The following SFXN1 variants were observed in gnomAD, a reference collection of about 807,000 sequenced individuals.
The protein encoded by SFXN1 is sideroflexin-1.
A neutral mutation model predicts 39.5 loss-of-function variants in SFXN1; 32 were observed. The observed-to-expected ratio is 0.81, with a 90% CI of 0.61 to 1.09. The LOEUF (loss-of-function observed/expected upper bound fraction) is 1.09. SFXN1 is among the 50% of genes least tolerant of loss of function. The probability of loss-of-function intolerance (pLI) is 0.00; values close to 1 mark genes in which losing one functional copy is unlikely to be tolerated. For missense variants in SFXN1, 402 were observed against 407.1 expected (o/e 0.99, Z 0.11); for synonymous variants, 136 against 146.5 (o/e 0.93, Z 0.52).
intron 2 of SFXN1, among the ~76,000 whole-genome samples, chr5:175,502,948 T>C (rs1581291235): frequency 6.6e-6 from 1 of 152,218 alleles, no homozygotes; most frequent in Non-Finnish European, 1.5e-5. Flanking sequence ...AAAAGTGTTA[T>C]GCAAAGTCAA....
At chr5:175,519,894 C>T (rs1235073371) in intron 8 of SFXN1, among the ~76,000 whole-genome samples, 3 of 132,022 alleles carry the variant, frequency 2.3e-5, no homozygotes, top group African/African-American at 8.9e-5. Flanking sequence ...TTTTTGAGAC[C>T]GAGTCTTGCT....
At chr5:175,482,894 G>T (rs545817274) in intron 1 of SFXN1, among the ~76,000 whole-genome samples, 13 of 152,136 alleles carry the variant, frequency 8.5e-5, no homozygotes, top group Non-Finnish European at 1.9e-4. Flanking sequence ...CAGGGCGGGG[G>T]GCCTCCATCA....
At chr5:175,523,035 C>G (rs1319268622) in intron 10 of SFXN1, 2 of 152,416 alleles carry the variant, frequency 1.3e-5, no homozygotes, top group Non-Finnish European at 1.5e-5. Flanking sequence ...GTAAGTGTTA[C>G]CAGGCCCCTT....
intron 2 of SFXN1, among the ~76,000 whole-genome samples, chr5:175,499,239 A>G (rs1759982065): frequency 6.7e-6 from 1 of 150,358 alleles, no homozygotes; most frequent in African/African-American, 2.5e-5. Flanking sequence ...TGGGCAACAG[A>G]GTGAGACTCT....
At chr5:175,517,646 T>C (rs918090868) in intron 8 of SFXN1, among the ~76,000 whole-genome samples, 6 of 152,282 alleles carry the variant, frequency 3.9e-5, no homozygotes, top group South Asian at 2.1e-4. Flanking sequence ...ATTTCACCCA[T>C]GTAGAGAGGA....
Position 175,528,860 on chromosome 5 carries a change from T to A in SFXN1, c.*2126T>A, listed in dbSNP as rs1761156384. The stretch of plus-strand genomic sequence containing the variant: ...CTCCATGAGGTGCTGAAGGGCTCTT[T>A]TCATAAGAAGCTAAGGCACTGCTGC... On this transcript the variant is annotated 3_prime_UTR_variant, in exon 11 of 11. Transcript: ENST00000321442. 1 of 152,244 alleles carries A rather than the reference T, an allele frequency of 6.6e-6. No homozygotes were observed. Among genetic ancestry groups the A allele is most frequent in the Non-Finnish European group, 1.5e-5 (1 of 68,086 alleles). 9.4% of individuals were successfully genotyped at this position (152,244 alleles called of 1,614,324 possible).
intron 1 of SFXN1, among the ~76,000 whole-genome samples, chr5:175,480,193 A>G (rs1759182134): frequency 1.3e-5 from 2 of 152,176 alleles, no homozygotes; most frequent in African/African-American, 2.4e-5. Context: ...CGAGGTCAGG[A>G]GATCAAGACC....
intron 2 of SFXN1, among the ~76,000 whole-genome samples, chr5:175,500,145 A>G (rs1366738855): frequency 1.3e-5 from 2 of 152,126 alleles, no homozygotes; most frequent in Non-Finnish European, 2.9e-5. Flanking sequence ...CTGAGATTGC[A>G]CCATTGTACT....
Position 175,492,191 on chromosome 5 carries a change from A to G in SFXN1, c.88A>G (p.Thr30Ala), listed in dbSNP as rs143416282. 6.6e-5 allele frequency: 107 copies of G among 1,613,978 alleles called. No individual in the cohort carries two copies. The highest frequency in any genetic ancestry group is 1.4e-5 in the Non-Finnish European group (16 of 1,180,018). ...TFIGRANHFF[T>A]VTDPRNILLT... ...CATTGGACGAGCCAATCATTTCTTC[A>G]CTGTAACTGACCCCAGGAACATTCT... Residue 30 changes from threonine (T) to alanine (A), a missense_variant, in exon 2 of 11, where the codon ACT becomes GCT. Physicochemically the swap from Thr to Ala is moderately conservative, Grantham distance 58. Coordinates refer to ENST00000321442, the MANE Select transcript of SFXN1 (RefSeq NM_022754.7).
intron 1 of SFXN1, among the ~76,000 whole-genome samples, chr5:175,489,119 C>T (rs35673722): frequency 0.65 from 98,084 of 151,360 alleles, 32,206 homozygotes; most frequent in African/African-American, 0.73. Context: ...TTTAGACCTT[C>T]TGAAAAAAAC....
At chr5:175,512,826 A>C (rs572787796) in intron 6 of SFXN1, among the ~76,000 whole-genome samples, 1 of 152,292 alleles carries the variant, frequency 6.6e-6, no homozygotes, top group African/African-American at 2.4e-5. Flanking sequence ...GCTGTGTATT[A>C]TATCTGTTTC....
At chr5:175,504,736 T>G (rs1051175411) in intron 2 of SFXN1, among the ~76,000 whole-genome samples, 10 of 152,036 alleles carry the variant, frequency 6.6e-5, no homozygotes, top group South Asian at 4.2e-4. Flanking sequence ...CAATTTTTTT[T>G]GGGCGGGGAG....
intron 5 of SFXN1, among the ~76,000 whole-genome samples, chr5:175,511,862 TCC>T (rs1207343103): frequency 0.075 from 10,900 of 144,490 alleles, 443 homozygotes; most frequent in Admixed American, 0.11. Context: ...TCTCTCTCTC[TCC>T]CCACTCCAAA....
intron 1 of SFXN1, among the ~76,000 whole-genome samples, chr5:175,485,341 C>T (rs1367738635): frequency 6.6e-6 from 1 of 152,214 alleles, no homozygotes; most frequent in Non-Finnish European, 1.5e-5. Flanking sequence ...AAGTCTAGAA[C>T]AAGTGGGCCT....
At chr5:175,489,141 A>AT (rs1308076565) in intron 1 of SFXN1, among the ~76,000 whole-genome samples, 1 of 151,920 alleles carries the variant, frequency 6.6e-6, no homozygotes, top group South Asian at 2.1e-4. Flanking sequence ...AAGCTAACAG[A>AT]TTTTTTTTCT....
chr5:175,512,111 C>T lies in SFXN1; in HGVS notation c.511C>T (p.His171Tyr), dbSNP rs780861914. 6.8e-6 allele frequency: 11 copies of T among 1,613,756 alleles called. 1 individual carries two copies. The South Asian group carries it at 1.2e-4, about 18-fold the overall frequency. Residue 171 changes from histidine (H) to tyrosine (Y), a missense_variant and splice_region_variant, in exon 6 of 11, where the codon CAT (histidine) becomes TAT (tyrosine). His to Tyr is a moderately conservative substitution (Grantham distance 83, BLOSUM62 2). Transcript: ENST00000321442. Reference protein sequence around the residue: ...TALGLNALTKHVSPLIGRFVP... With the variant: ...TALGLNALTKYVSPLIGRFVP... Reference sequence around the variant, plus strand: ...GCTCTTGAAATTTTCTCCTCTGCAGCATGTCTCACCACTGATAGGACGTTT... The same window carrying T: ...GCTCTTGAAATTTTCTCCTCTGCAGTATGTCTCACCACTGATAGGACGTTT...
intron 1 of SFXN1, among the ~76,000 whole-genome samples, chr5:175,489,337 T>C (rs1405731596): frequency 2.0e-5 from 3 of 152,184 alleles, no homozygotes; most frequent in Non-Finnish European, 4.4e-5. Context: ...TACACGTAAT[T>C]GTAACTTCAA....
chr5:175,520,940 C>T (rs1305383377), intron 8 of SFXN1, among the ~76,000 whole-genome samples: 1 of 152,076 alleles, frequency 6.6e-6, no homozygotes, highest in South Asian at 2.1e-4. Flanking sequence ...TGCTCCCTTC[C>T]TCTCCAATCC....
intron 1 of SFXN1, among the ~76,000 whole-genome samples, chr5:175,489,053 T>C (rs1020524351): frequency 6.6e-6 from 1 of 152,132 alleles, no homozygotes; most frequent in Non-Finnish European, 1.5e-5. Flanking sequence ...GGCCCAAGAG[T>C]CTGTCGTGTA....
Sources: allele counts gnomAD v4.1 joint callset (sites outside exome capture counted in the v4.1 genomes callset), GRCh38; gene constraint gnomAD v4.1.1; transcripts MANE v1.5; gene names NCBI Gene and HGNC (gene_info 2026-07-23, HGNC 2026-07-21).